Variants in GPC6 observed in about 807,000 individuals in gnomAD.
The protein encoded by GPC6 is glypican-6.
GPC6 carries 14 observed loss-of-function variants against 55.2 expected under a neutral mutation model. The observed-to-expected ratio is 0.25, with a 90% CI of 0.17 to 0.40. The LOEUF is 0.40. GPC6 is among the 10% of genes least tolerant of loss of function. The probability of loss-of-function intolerance (pLI) is 1.00; values close to 1 mark genes in which losing one functional copy is unlikely to be tolerated. For synonymous variants in GPC6, 278 were observed against 259.6 expected (o/e 1.07, Z -0.68); for missense variants, 641 against 708.5 (o/e 0.90, Z 1.08).
At chr13:94,174,332 G>T (rs1431268080) in intron 4 of GPC6, among the ~76,000 whole-genome samples, 1 of 152,152 alleles carries the variant, frequency 6.6e-6, no homozygotes, top group Non-Finnish European at 1.5e-5. Flanking sequence ...CAGCAGCCAA[G>T]TGAATTTTAG....
chr13:93,986,203 G>T (rs920458877), intron 3 of GPC6, among the ~76,000 whole-genome samples: 1 of 152,056 alleles, frequency 6.6e-6, no homozygotes, highest in Non-Finnish European at 1.5e-5. Flanking sequence ...TTTAATGCAC[G>T]TAACAACCTC....
chr13:93,474,245 G>A (rs1031447649), intron 1 of GPC6, among the ~76,000 whole-genome samples: 1 of 152,114 alleles, frequency 6.6e-6, no homozygotes, highest in Non-Finnish European at 1.5e-5. Context: ...TCTGTTTCTT[G>A]TGTGTACCTT....
intron 3 of GPC6, among the ~76,000 whole-genome samples, chr13:94,012,515 G>A (rs535711563): frequency 6.6e-6 from 1 of 152,232 alleles, no homozygotes; most frequent in African/African-American, 2.4e-5. Context: ...TTGATTAATC[G>A]ATCGATTGAT....
chr13:93,972,625 T>C (rs996606837), intron 3 of GPC6, among the ~76,000 whole-genome samples: 1 of 152,170 alleles, frequency 6.6e-6, no homozygotes, highest in African/African-American at 2.4e-5. Context: ...CTTCTACTTT[T>C]TGAAGCTACT....
rs538164098 is a variant in GPC6 at position 93,852,114 on chromosome 13, A to T, written c.711+21569A>T. ...AAACACTGTAATATTCTGTATTATA[A>T]ACATGATGATACTAATTATGGAATA... is the stretch of plus-strand genomic sequence containing the variant. On this transcript the variant is annotated intron_variant, in intron 3 of 8. Transcript: ENST00000377047. Among the ~76,000 whole-genome samples, 11 of 151,884 alleles carry T rather than the reference A, an allele frequency of 7.2e-5. No individual in the cohort carries two copies. The South Asian group carries it at 2.3e-3, about 31-fold the overall frequency.
At chr13:93,415,427 A>T (rs1876661091) in intron 1 of GPC6, among the ~76,000 whole-genome samples, 1 of 152,114 alleles carries the variant, frequency 6.6e-6, no homozygotes, top group Admixed American at 6.6e-5. Context: ...CATTTGTATG[A>T]CAAACCCTCA....
chr13:93,733,658 A>C (rs1162448395), intron 2 of GPC6, among the ~76,000 whole-genome samples: 1 of 152,094 alleles, frequency 6.6e-6, no homozygotes, highest in Non-Finnish European at 1.5e-5. Context: ...CCATTCCCAT[A>C]GTCCATCTCA....
intron 1 of GPC6, among the ~76,000 whole-genome samples, chr13:93,327,247 A>T (rs999146331): frequency 6.6e-6 from 1 of 152,106 alleles, no homozygotes; most frequent in African/African-American, 2.4e-5. Context: ...TGTTCTAAGC[A>T]TTGTTCAAAT....
intron 2 of GPC6, among the ~76,000 whole-genome samples, chr13:93,625,075 T>C (rs908011616): frequency 1.3e-5 from 2 of 152,156 alleles, no homozygotes; most frequent in Non-Finnish European, 2.9e-5. Flanking sequence ...AAAAATAAGA[T>C]GAAGTAAAAC....
At chr13:94,150,426 T>A (rs762826785) in intron 4 of GPC6, among the ~76,000 whole-genome samples, 24 of 152,240 alleles carry the variant, frequency 1.6e-4, no homozygotes, top group South Asian at 6.2e-4. Flanking sequence ...AGCTTTTTAG[T>A]GTGTCTTCCA....
intron 2 of GPC6, among the ~76,000 whole-genome samples, chr13:93,640,742 CCCCACT>C (rs1482799887): frequency 3.1e-5 from 3 of 97,516 alleles, no homozygotes; most frequent in Admixed American, 1.1e-4. Flanking sequence ...CCTCCCTCCT[CCCCACT>C]TTCCTTCCCT....
chr13:93,981,664 T>A (rs1243901361), intron 3 of GPC6, among the ~76,000 whole-genome samples: 1 of 152,202 alleles, frequency 6.6e-6, no homozygotes, highest in Non-Finnish European at 1.5e-5. Flanking sequence ...CCTAAGCTTT[T>A]TTCTTTCCTG....
At chr13:94,305,921 C>T in intron 5 of GPC6, 59 bp from the exon 6 acceptor site, 1 of 1,531,580 alleles carries the variant, frequency 6.5e-7, no homozygotes, top group Middle Eastern at 1.7e-4. Context: ...ATTTCTGCTT[C>T]ATGAATTTAG....
chr13:93,868,734 C>T (rs976111494), intron 3 of GPC6, among the ~76,000 whole-genome samples: 4 of 151,792 alleles, frequency 2.6e-5, no homozygotes, highest in Non-Finnish European at 4.4e-5. Flanking sequence ...ATTTGAGAGA[C>T]GAGCAGACAC....
At chr13:93,252,453 G>A (rs1013914576) in intron 1 of GPC6, among the ~76,000 whole-genome samples, 17 of 152,266 alleles carry the variant, frequency 1.1e-4, no homozygotes, top group Admixed American at 5.2e-4. Context: ...CAATGCTGAT[G>A]TCTTCCCTGC....
In GPC6 at chr13:93,649,863, A is replaced by G. The variant is rs532490123; in HGVS notation, c.319+104442A>G. On this transcript the variant is annotated intron_variant, in intron 2 of 8. Coordinates refer to ENST00000377047, the MANE Select transcript of GPC6 (RefSeq NM_005708.5). Reference sequence around the variant, plus strand: ...CTAAAACACAATATTTTAAATATCCAAGGTCTTTTGTAAATTTATTTCACA... The same window carrying G: ...CTAAAACACAATATTTTAAATATCCGAGGTCTTTTGTAAATTTATTTCACA... Among the ~76,000 whole-genome samples the G allele has an allele frequency of 2.4e-3, 369 of 152,274 alleles. 1 individual carries two copies. Among genetic ancestry groups the G allele is most frequent in the African/African-American group, 8.4e-3 (349 of 41,558 alleles).
intron 2 of GPC6, among the ~76,000 whole-genome samples, chr13:93,608,874 C>T (rs1878351158): frequency 6.6e-6 from 1 of 152,176 alleles, no homozygotes; most frequent in African/African-American, 2.4e-5. Flanking sequence ...ATTCAAACTA[C>T]TGCTATTTTA....
intron 4 of GPC6, among the ~76,000 whole-genome samples, chr13:94,034,767 A>G (rs1362103122): frequency 6.6e-6 from 1 of 152,066 alleles, no homozygotes; most frequent in Non-Finnish European, 1.5e-5. Context: ...ATACTGTGTA[A>G]TCGAGATTTT....
intron 2 of GPC6, among the ~76,000 whole-genome samples, chr13:93,681,808 A>G (rs1881854967): frequency 6.6e-6 from 1 of 152,184 alleles, no homozygotes; most frequent in African/African-American, 2.4e-5. Context: ...TTACCCAAAG[A>G]TATCATGATA....
Sources: allele counts gnomAD v4.1 joint callset (sites outside exome capture counted in the v4.1 genomes callset), GRCh38; gene constraint gnomAD v4.1.1; transcripts MANE v1.5; gene names NCBI Gene and HGNC (gene_info 2026-07-23, HGNC 2026-07-21).